RGS12: variants seen among roughly 807,000 people sequenced by gnomAD.
RGS12 encodes regulator of G protein signaling 12, also known as regulator of G-protein signaling 12.
A neutral mutation model predicts 120.1 loss-of-function variants in RGS12; 66 were observed. The observed-to-expected ratio is 0.55, with a 90% confidence interval of 0.45 to 0.67. The LOEUF (loss-of-function observed/expected upper bound fraction) is 0.67. RGS12 is among the 30% of genes least tolerant of loss of function. The probability of loss-of-function intolerance (pLI) is 0.00; values close to 1 mark genes in which losing one functional copy is unlikely to be tolerated. For missense variants in RGS12, 1,859 were observed against 1,957.7 expected, an observed-to-expected ratio of 0.95 and a Z score of 0.95; for synonymous variants, 827 against 804.7, an observed-to-expected ratio of 1.03 and a Z score of -0.47.
Position 3,439,750 on chromosome 4 carries a change from G to A in RGS12, c.*66G>A. 2.9e-6 allele frequency: 4 copies of A among 1,399,446 alleles called. No individual in the cohort carries two copies. The highest frequency in any genetic ancestry group is 1.5e-5 in the South Asian group (1 of 66,134). 86.7% of individuals were successfully genotyped at this position (1,399,446 alleles called of 1,614,324 possible). ...GTGGGGCAGCCCAGGTGGATTCTGTGGGCCTCAGGGGGGCCACCCTGGCCA... is the reference window on the plus strand; with the variant it reads ...GTGGGGCAGCCCAGGTGGATTCTGTAGGCCTCAGGGGGGCCACCCTGGCCA... On this transcript the variant is annotated 3_prime_UTR_variant, in exon 18 of 18. Transcript: ENST00000336727.
chr4:3,429,014 C>T (rs779055589), intron 16 of RGS12, among the ~76,000 whole-genome samples: 2 of 152,236 alleles, frequency 1.3e-5, no homozygotes, highest in Non-Finnish European at 2.9e-5. Flanking sequence ...CCAGCTCCTC[C>T]CTATGGCCCC....
At chr4:3,327,649 C>T (rs184602109) in intron 2 of RGS12, among the ~76,000 whole-genome samples, 3 of 152,174 alleles carry the variant, frequency 2.0e-5, no homozygotes, top group African/African-American at 4.8e-5. Flanking sequence ...GATATACAAA[C>T]GTTCAACAGG....
chr4:3,349,765 T>C (rs1346908658), intron 3 of RGS12, among the ~76,000 whole-genome samples: 3 of 152,306 alleles, frequency 2.0e-5, no homozygotes, highest in African/African-American at 7.2e-5. Context: ...ATAATTACTT[T>C]GTGTATTAAC....
intron 1 of RGS12, among the ~76,000 whole-genome samples, chr4:3,315,720 G>C (rs1724693294): frequency 6.6e-6 from 1 of 152,236 alleles, no homozygotes. Flanking sequence ...CCGAGAGTCT[G>C]CCTTTCAGAC....
intron 16 of RGS12, 50 bp downstream of exon 16, chr4:3,428,761 T>A: frequency 6.7e-7 from 1 of 1,492,996 alleles, no homozygotes; most frequent in Non-Finnish European, 9.1e-7. Flanking sequence ...GCACAGTTAG[T>A]TTCCAGTATA....
chr4:3,432,890 G>T (rs544801196), intron 17 of RGS12, among the ~76,000 whole-genome samples: 20 of 152,232 alleles, frequency 1.3e-4, no homozygotes, highest in Non-Finnish European at 2.1e-4. Flanking sequence ...TCCTCCACGT[G>T]CCTGTCCGTG....
intron 3 of RGS12, among the ~76,000 whole-genome samples, chr4:3,373,978 A>G (rs989961586): frequency 2.0e-5 from 3 of 152,212 alleles, no homozygotes; most frequent in Non-Finnish European, 4.4e-5. Flanking sequence ...TCCATGTTAC[A>G]TAGTCAGAGG....
At position 3,428,085 on chromosome 4, in the gene RGS12, T is replaced by TG. The variant is rs576758669; in HGVS notation, c.3332-5_3332-4insG. On this transcript the variant is annotated splice_polypyrimidine_tract_variant and splice_region_variant and intron_variant, in intron 14 of 17. Transcript: ENST00000336727. ...CCTGAAGTCATAAAGCTTTCTTATGTTTAGCATCCGCAGATAAACAGAAAG... is the reference window on the plus strand; with the variant it reads ...CCTGAAGTCATAAAGCTTTCTTATGTGTTAGCATCCGCAGATAAACAGAAAG... 6.7e-5 allele frequency: 108 copies of TG among 1,612,920 alleles called. No homozygotes were observed. In the East Asian group the frequency reaches 2.0e-3, roughly 30 times the overall value.
rs1294651430 is a variant in RGS12 at position 3,365,835 on chromosome 4, C to A, written c.1999-20581C>A. On this transcript the variant is annotated intron_variant, in intron 3 of 17. Coordinates refer to ENST00000336727, the MANE Select transcript of RGS12 (RefSeq NM_001394154.1). This position sits in a 1 kb window ranked among gnomAD's most constrained non-coding sequence, Gnocchi z 4.0. ...AATTTTCTGAACTGTCCTTAAGATC[C>A]TGTGAACTCCGGACATGTAATAGGA... 1.3e-5 allele frequency among the ~76,000 whole-genome samples: 2 copies of A among 152,176 alleles called. No individual in the cohort carries two copies. Among genetic ancestry groups the A allele is most frequent in the African/African-American group, 4.8e-5 (2 of 41,424 alleles).
intron 17 of RGS12, chr4:3,431,766 G>T (rs1724331989): frequency 1.0e-6 from 1 of 985,654 alleles, no homozygotes; most frequent in Non-Finnish European, 1.2e-6. Context: ...TCAGGGGTGC[G>T]TGGACACCTC....
chr4:3,342,668 G>C (rs1215539466), intron 2 of RGS12: 1 of 1,059,624 alleles, frequency 9.4e-7, no homozygotes, highest in African/African-American at 1.6e-5. Flanking sequence ...ATCCTGTTCT[G>C]TGTTTACAGA....
In RGS12 at chr4:3,366,989, C is replaced by T. The variant is rs977608847; in HGVS notation, c.1999-19427C>T. 3.3e-5 allele frequency among the ~76,000 whole-genome samples: 5 copies of T among 152,196 alleles called. No homozygotes were observed. Among genetic ancestry groups the T allele is most frequent in the African/African-American group, 9.6e-5 (4 of 41,462 alleles). On this transcript the variant is annotated intron_variant, in intron 3 of 17. Coordinates refer to ENST00000336727, the MANE Select transcript of RGS12 (RefSeq NM_001394154.1). This position sits in a 1 kb window ranked among gnomAD's most constrained non-coding sequence, Gnocchi z 4.0. ...TCCCCGCCCAGAATGCCCTCTGCCC[C>T]GCCACCCCCATCATCCCTGCTGCCC...
At chr4:3,371,437 A>C (rs1716974332) in intron 3 of RGS12, among the ~76,000 whole-genome samples, 2 of 152,200 alleles carry the variant, frequency 1.3e-5, no homozygotes, top group South Asian at 4.1e-4. Context: ...CTTTCATCTC[A>C]GTGTATATCC....
chr4:3,307,162 G>A (rs962926631), intron 1 of RGS12, among the ~76,000 whole-genome samples: 1 of 152,212 alleles, frequency 6.6e-6, no homozygotes, highest in Non-Finnish European at 1.5e-5. Context: ...GTTGCCGCTG[G>A]CTGCTTTTCT....
In RGS12 at chr4:3,317,778, C is replaced by T. The variant is rs566890546; in HGVS notation, c.1608C>T (p.Arg536=). 6.2e-7 allele frequency: 1 copy of T among 1,613,466 alleles called. No homozygotes were observed. Among genetic ancestry groups the T allele is most frequent in the Non-Finnish European group, 8.5e-7 (1 of 1,179,978 alleles). Residue 536 remains arginine, a synonymous_variant, in exon 2 of 18, where the codon CGC becomes CGT. Coordinates refer to ENST00000336727, the MANE Select transcript of RGS12 (RefSeq NM_001394154.1). ...GTGCTGGCTGTGGTTTCAACCAGCG[C>T]TGGCTCCCGGTCCACGTGCTCCGGG... ...TVGAGCGFNQ[R]WLPVHVLREW...
chr4:3,378,027 T>G (rs1717877758), intron 3 of RGS12: 1 of 152,336 alleles, frequency 6.6e-6, no homozygotes, highest in Admixed American at 6.5e-5. Context: ...GTACTTTTTT[T>G]GTAAGTATAA....
At chr4:3,292,357 C>A (rs1395313183), upstream of RGS12, among the ~76,000 whole-genome samples, 1 of 152,164 alleles carries the variant, frequency 6.6e-6, no homozygotes, top group African/African-American at 2.4e-5. Context: ...AGGGGCAGAC[C>A]CGCTGGACGC....
Position 3,439,674 on chromosome 4 carries a change from C to T in RGS12, c.4334C>T (p.Thr1445Ile). ...CCCAAGACCAGCGCTCACCACGCCA[C>T]CTTCGTCTGAGCTGCCCTGGCCTGG... ...AKPKTSAHHA[T>I]FV The change falls in exon 18 of 18, where the codon ACC becomes ATC. Residue 1445 changes from threonine to isoleucine, a missense_variant. Transcript: ENST00000336727. The T allele has an allele frequency of 6.5e-7, 1 of 1,531,546 alleles. No individual in the cohort carries two copies. Among genetic ancestry groups the T allele is most frequent in the Non-Finnish European group, 8.8e-7 (1 of 1,138,648 alleles). The allele number at this position is 1,531,546 out of a possible 1,614,324, so 94.9% of individuals were successfully genotyped here. A position where few individuals can be genotyped will look rare whatever the true frequency, so the allele number is the denominator to read the frequency against.
rs759141708 is a variant in RGS12 at position 3,317,815 on chromosome 4, G to A, written c.1645G>A (p.Gly549Arg). The change falls in exon 2 of 18, where the codon GGA (glycine) becomes AGA (arginine). Residue 549 changes from glycine (G) to arginine (R), a missense_variant. Around this residue, in one of 3 missense-constraint regions of RGS12, gnomAD observed 967 missense variants for 994.2 expected, o/e 0.97. Coordinates refer to ENST00000336727, the MANE Select transcript of RGS12 (RefSeq NM_001394154.1). The part of the protein sequence containing the change: ...PVHVLREWQC[G>R]HTSDQDSYTD... ...CCACGTGCTCCGGGAGTGGCAGTGC[G>A]GACACACCAGCGACCAGGACTCTTA... 21 of 1,612,950 alleles carry A rather than the reference G, an allele frequency of 1.3e-5. No homozygotes were observed. The highest frequency in any genetic ancestry group is 8.3e-5 in the Admixed American group (5 of 59,998).
Sources: allele counts gnomAD v4.1 joint callset (sites outside exome capture counted in the v4.1 genomes callset), GRCh38; gene constraint gnomAD v4.1.1; regional missense constraint gnomAD v4.1.1; non-coding constraint Gnocchi (gnomAD v3.1); transcripts MANE v1.5; gene names NCBI Gene and HGNC (gene_info 2026-07-23, HGNC 2026-07-21).